ERC2: variants seen among roughly 807,000 people sequenced by gnomAD.
The protein encoded by ERC2 is ERC protein 2.
ERC2 carries 42 observed loss-of-function variants against 114.8 expected under a neutral mutation model. The ratio of observed to expected loss-of-function variants is 0.37; its 90% CI spans 0.29 to 0.47. ERC2 has a LOEUF of 0.47. Ranked by LOEUF, ERC2 falls within the 20% of genes least tolerant of loss-of-function variation. ERC2 has a pLI of 0.99. For synonymous variants in ERC2, 454 were observed against 425.5 expected, an observed-to-expected ratio of 1.07 and a Z score of -0.82; for missense variants, 939 against 1,150.7, an observed-to-expected ratio of 0.82 and a Z score of 2.66.
intron 1 of ERC2, among the ~76,000 whole-genome samples, chr3:56,438,717 T>A (rs138755993): frequency 4.6e-5 from 7 of 152,238 alleles, no homozygotes; most frequent in African/African-American, 7.2e-5. Context: ...TTCCTCTGTC[T>A]GCTCCCTTTG....
At chr3:56,207,245 C>A (rs1411454483) in intron 3 of ERC2, among the ~76,000 whole-genome samples, 1 of 151,848 alleles carries the variant, frequency 6.6e-6, no homozygotes, top group Non-Finnish European at 1.5e-5. Flanking sequence ...TTTTTAATAA[C>A]CTTTTCCCTA....
chr3:56,131,902 A>G (rs2080223762), intron 6 of ERC2, among the ~76,000 whole-genome samples: 2 of 152,360 alleles, frequency 1.3e-5, no homozygotes, highest in South Asian at 2.1e-4. Context: ...ATTACCATGA[A>G]TTGATCACTA....
chr3:56,079,372 G>A (rs1331365318), intron 7 of ERC2, among the ~76,000 whole-genome samples: 1 of 152,110 alleles, frequency 6.6e-6, no homozygotes, highest in African/African-American at 2.4e-5. Flanking sequence ...GGGCAGCACG[G>A]GTTCAGAATG....
intron 14 of ERC2, among the ~76,000 whole-genome samples, chr3:55,793,201 A>G (rs1298969271): frequency 6.6e-6 from 1 of 152,202 alleles, no homozygotes; most frequent in Non-Finnish European, 1.5e-5. Context: ...ATGTAGATGC[A>G]ATTTAATTCG....
chr3:55,624,873 T>C (rs1355326923), intron 17 of ERC2, among the ~76,000 whole-genome samples: 1 of 152,190 alleles, frequency 6.6e-6, no homozygotes, highest in Non-Finnish European at 1.5e-5. Flanking sequence ...GACACAGTCC[T>C]GGCTGGTCCC....
intron 3 of ERC2, among the ~76,000 whole-genome samples, chr3:56,269,894 A>G (rs6787350): frequency 0.94 from 143,505 of 152,218 alleles, 67,855 homozygotes; most frequent in East Asian, 1. Context: ...CACTTGGGGA[A>G]TAGTCTTATA....
rs188918821 is a variant in ERC2 at position 55,766,397 on chromosome 3, C to T, written c.2565-31479G>A. 2.6e-3 allele frequency among the ~76,000 whole-genome samples: 391 copies of T among 152,140 alleles called. 1 individual carries two copies. The highest frequency in any genetic ancestry group is 8.7e-3 in the African/African-American group (361 of 41,506). The stretch of plus-strand genomic sequence containing the variant: ...TTTTTTAGATGGAGTCTCGCTCTGT[C>T]GCCCAGGCTGGAGTACAATGGCGCA... On this transcript the variant is annotated intron_variant, in intron 14 of 17. Transcript: ENST00000288221.
At chr3:56,346,767 T>G (rs956789302) in intron 2 of ERC2, among the ~76,000 whole-genome samples, 21 of 152,204 alleles carry the variant, frequency 1.4e-4, no homozygotes, top group African/African-American at 5.1e-4. Flanking sequence ...AAGAAATTTA[T>G]TTCTCACCGT....
chr3:55,834,594 G>C (rs1454926073), intron 14 of ERC2, among the ~76,000 whole-genome samples: 1 of 151,346 alleles, frequency 6.6e-6, no homozygotes, highest in Non-Finnish European at 1.5e-5. Context: ...AAGAATCTCT[G>C]GGACACATTC....
chr3:56,267,979 T>C (rs2053430827), intron 3 of ERC2, among the ~76,000 whole-genome samples: 1 of 152,198 alleles, frequency 6.6e-6, no homozygotes, highest in South Asian at 2.1e-4. Flanking sequence ...TTAGGTACTC[T>C]TACCACACAG....
intron 12 of ERC2, among the ~76,000 whole-genome samples, chr3:55,960,032 C>T (rs1337675661): frequency 6.6e-6 from 1 of 152,246 alleles, no homozygotes; most frequent in Non-Finnish European, 1.5e-5. Context: ...GGAAACATTG[C>T]TCCTGCTTCC....
intron 15 of ERC2, among the ~76,000 whole-genome samples, chr3:55,716,141 A>C (rs1246122180): frequency 2.6e-5 from 4 of 152,216 alleles, no homozygotes; most frequent in Admixed American, 2.6e-4. Flanking sequence ...CTTTCTTAAG[A>C]ATACACAGTG....
At chr3:55,759,855 GTAAT>G (rs1433388263) in intron 14 of ERC2, among the ~76,000 whole-genome samples, 2 of 152,212 alleles carry the variant, frequency 1.3e-5, no homozygotes, top group Non-Finnish European at 2.9e-5. Context: ...ACACACATGA[GTAAT>G]TAAATTGTGC....
chr3:56,163,531 A>G (rs2082165897), intron 4 of ERC2, among the ~76,000 whole-genome samples: 1 of 151,970 alleles, frequency 6.6e-6, no homozygotes. Context: ...ACAAATTCAT[A>G]TTTTTGACTC....
chr3:56,395,043 TA>T (rs566484477), intron 2 of ERC2, among the ~76,000 whole-genome samples: 230 of 145,280 alleles, frequency 1.6e-3, no homozygotes, highest in Non-Finnish European at 2.3e-3. Context: ...TCACACTAAG[TA>T]AAAAAAAAAA....
intron 4 of ERC2, among the ~76,000 whole-genome samples, chr3:56,161,734 T>A (rs2082058879): frequency 6.6e-6 from 1 of 152,226 alleles, no homozygotes; most frequent in South Asian, 2.1e-4. Flanking sequence ...TTACTGATTT[T>A]ATTACATTGA....
At chr3:56,462,121 G>A (rs995015484) in intron 1 of ERC2, among the ~76,000 whole-genome samples, 5 of 152,116 alleles carry the variant, frequency 3.3e-5, no homozygotes, top group South Asian at 2.1e-4. Context: ...ATACAAGGTC[G>A]TCAAGGGCTC....
chr3:55,565,149 A>T (rs973988823), intron 17 of ERC2, among the ~76,000 whole-genome samples: 1 of 152,190 alleles, frequency 6.6e-6, no homozygotes, highest in Admixed American at 6.6e-5. Flanking sequence ...CTCCCACCAG[A>T]TTTATATCAT....
chr3:55,709,180 C>G (rs1181554710), intron 15 of ERC2, among the ~76,000 whole-genome samples: 1 of 152,048 alleles, frequency 6.6e-6, no homozygotes, highest in African/African-American at 2.4e-5. Flanking sequence ...TAGTAGAACT[C>G]TAGGAGCATG....
Sources: allele counts gnomAD v4.1 joint callset (sites outside exome capture counted in the v4.1 genomes callset), GRCh38; gene constraint gnomAD v4.1.1; transcripts MANE v1.5; gene names NCBI Gene and HGNC (gene_info 2026-07-23, HGNC 2026-07-21).